Variants in FAM53B observed in about 807,000 individuals in gnomAD.
FAM53B encodes protein FAM53B.
A neutral mutation model predicts 32.7 loss-of-function variants in FAM53B; 12 were observed. That is an observed-to-expected ratio of 0.37 (90% CI 0.24 to 0.59). The LOEUF (loss-of-function observed/expected upper bound fraction) is 0.59. Among genes scored for constraint, FAM53B ranks in the 20% least tolerant of loss-of-function variants. The pLI, the probability that FAM53B is intolerant of heterozygous loss-of-function variation, is 0.72. For missense variants in FAM53B, 477 were observed against 577.7 expected, an observed-to-expected ratio of 0.83 and a Z score of 1.79; for synonymous variants, 234 against 228.7, an observed-to-expected ratio of 1.02 and a Z score of -0.21.
intron 4 of FAM53B, among the ~76,000 whole-genome samples, chr10:124,674,877 A>G (rs1026332692): frequency 1.3e-5 from 2 of 152,172 alleles, no homozygotes; most frequent in African/African-American, 4.8e-5. Flanking sequence ...GCAAGCCAAG[A>G]GCACTCCCAG....
chr10:124,727,574 G>C (rs1178211136), intron 1 of FAM53B, among the ~76,000 whole-genome samples: 3 of 151,990 alleles, frequency 2.0e-5, no homozygotes, highest in Admixed American at 1.3e-4. Context: ...AAACATCCTG[G>C]GCATTTCTAC....
At position 124,733,465 on chromosome 10, in the gene FAM53B, G is replaced by A. The variant is rs1409386763; in HGVS notation, c.-175+10548C>T. 1.3e-5 allele frequency among the ~76,000 whole-genome samples: 2 copies of A among 152,206 alleles called. No homozygotes were observed. Among genetic ancestry groups the A allele is most frequent in the South Asian group, 2.1e-4 (1 of 4,836 alleles). On this transcript the variant is annotated intron_variant, in intron 1 of 4. Coordinates refer to ENST00000337318, the MANE Select transcript of FAM53B (RefSeq NM_014661.4). This position sits in a 1 kb window ranked among gnomAD's most constrained non-coding sequence, Gnocchi z 4.3. ...AACAGGCTATGACAGAGCCCAGGGG[G>A]CACCGAAGCTCCCTCTTCCATCGCA... is the stretch of plus-strand genomic sequence containing the variant.
At chr10:124,679,847 T>A (rs1359000991) in intron 4 of FAM53B, among the ~76,000 whole-genome samples, 2 of 152,228 alleles carry the variant, frequency 1.3e-5, no homozygotes, top group Non-Finnish European at 2.9e-5. Context: ...CCAAACGAGG[T>A]CAAGAAATGT....
rs1949318026 is a variant in FAM53B, at chr10:124,622,528, ACCAAATTTCTAC to A, written c.*702_*713del. On this transcript the variant is annotated 3_prime_UTR_variant, in exon 5 of 5. Transcript: ENST00000337318. ...GTCCGTCTTTTCAGCCAACAGATCCACCAAATTTCTACCCAACACGGGAGGCCCTAACAAGCA... is the reference window on the plus strand; with the variant it reads ...GTCCGTCTTTTCAGCCAACAGATCCACCAACACGGGAGGCCCTAACAAGCA... The A allele has an allele frequency of 6.6e-6, 1 of 152,308 alleles. No homozygotes were observed. Among genetic ancestry groups the A allele is most frequent in the East Asian group, 1.9e-4 (1 of 5,160 alleles). The allele number at this position is 152,308 out of a possible 1,614,324, so 9.4% of individuals were successfully genotyped here. A position where few individuals can be genotyped will look rare whatever the true frequency, so the allele number is the denominator to read the frequency against.
chr10:124,710,380 T>A (rs1949992862), intron 1 of FAM53B, among the ~76,000 whole-genome samples: 1 of 152,158 alleles, frequency 6.6e-6, no homozygotes, highest in African/African-American at 2.4e-5. Flanking sequence ...TACAGCAACA[T>A]GTGAAATGAT....
intron 4 of FAM53B, among the ~76,000 whole-genome samples, chr10:124,650,799 C>A (rs889519428): frequency 3.3e-5 from 5 of 152,182 alleles, no homozygotes; most frequent in African/African-American, 1.2e-4. Flanking sequence ...GGCCAATATT[C>A]CTTTGCCATC....
chr10:124,638,157 CAGG>C (rs1949446314), intron 4 of FAM53B, among the ~76,000 whole-genome samples: 1 of 152,180 alleles, frequency 6.6e-6, no homozygotes, highest in Non-Finnish European at 1.5e-5. Flanking sequence ...ATCACGAGGT[CAGG>C]AGATTGAGAC....
Position 124,667,332 on chromosome 10 carries a change from C to T in FAM53B, c.906+14275G>A, listed in dbSNP as rs931511150. On this transcript the variant is annotated intron_variant, in intron 4 of 4. Transcript: ENST00000337318. ...TAGGAATTTTAAATTATATATGTGGCTTGAGTTCTGGTTTCACTGGACTGC... is the reference window on the plus strand; with the variant it reads ...TAGGAATTTTAAATTATATATGTGGTTTGAGTTCTGGTTTCACTGGACTGC... 3.5e-5 allele frequency: 25 copies of T among 711,868 alleles called. No individual in the cohort carries two copies. In the African/African-American group the frequency reaches 4.4e-4, roughly 13 times the overall value. 44.1% of individuals were successfully genotyped at this position (711,868 alleles called of 1,614,324 possible).
At position 124,620,697 on chromosome 10, in the gene FAM53B, T is replaced by C. The variant is rs2134031098; in HGVS notation, c.*2545A>G. 6.6e-6 allele frequency: 1 copy of C among 152,534 alleles called. No homozygotes were observed. The highest frequency in any genetic ancestry group is 1.9e-4 in the East Asian group (1 of 5,194). The allele number at this position is 152,534 out of a possible 1,614,324, so 9.4% of individuals were successfully genotyped here. Reference sequence around the variant, plus strand: ...AGGCTGCTCCGGGCAGTGTGGCAGCTTGGATGATGGGGTGGCACCTTATAG... The same window carrying C: ...AGGCTGCTCCGGGCAGTGTGGCAGCCTGGATGATGGGGTGGCACCTTATAG... On this transcript the variant is annotated 3_prime_UTR_variant, in exon 5 of 5. Transcript: ENST00000337318.
chr10:124,620,359 C>CA lies in FAM53B; in HGVS notation c.*2882_*2883insT, dbSNP rs1554900989. The CA allele has an allele frequency of 4.9e-5, 7 of 143,140 alleles. No homozygotes were observed. The highest frequency in any genetic ancestry group is 1.5e-4 in the African/African-American group (6 of 38,784). 8.9% of individuals were successfully genotyped at this position (143,140 alleles called of 1,614,324 possible). A position where few individuals can be genotyped will look rare whatever the true frequency, so the allele number is the denominator to read the frequency against. ...GTGGGGTGCATGTGGCACTAAGCCC[C>CA]CCCCACCGCCCCGGCTTTCCTGCAG... On this transcript the variant is annotated 3_prime_UTR_variant, in exon 5 of 5. Coordinates refer to ENST00000337318, the MANE Select transcript of FAM53B (RefSeq NM_014661.4).
At chr10:124,686,321 T>C (rs370115123) in intron 3 of FAM53B, among the ~76,000 whole-genome samples, 196 of 152,192 alleles carry the variant, frequency 1.3e-3, no homozygotes, top group Non-Finnish European at 2.3e-3. Flanking sequence ...ACCTACTCCT[T>C]CTGTGTTACA....
chr10:124,741,169 T>C (rs573669986), intron 1 of FAM53B, among the ~76,000 whole-genome samples: 2 of 152,352 alleles, frequency 1.3e-5, no homozygotes, highest in Middle Eastern at 3.4e-3. Flanking sequence ...ATTATCAGCA[T>C]ATTACATAAC....
At chr10:124,634,525 T>C (rs1949414115) in intron 4 of FAM53B, among the ~76,000 whole-genome samples, 1 of 152,244 alleles carries the variant, frequency 6.6e-6, no homozygotes, top group South Asian at 2.1e-4. Context: ...CTGATGGTTT[T>C]ATAAGGGGCT....
At position 124,621,859 on chromosome 10, in the gene FAM53B, C is replaced by A. The variant is rs527396420; in HGVS notation, c.*1383G>T. 6.6e-6 allele frequency: 1 copy of A among 152,548 alleles called. No homozygotes were observed. Among genetic ancestry groups the A allele is most frequent in the East Asian group, 1.9e-4 (1 of 5,186 alleles). The allele number at this position is 152,548 out of a possible 1,614,324, so 9.4% of individuals were successfully genotyped here. A position where few individuals can be genotyped will look rare whatever the true frequency, so the allele number is the denominator to read the frequency against. On this transcript the variant is annotated 3_prime_UTR_variant, in exon 5 of 5. Transcript: ENST00000337318. ...TTTAGCCTTATGGGAAAATGAGCCA[C>A]TTGCTCCTAAGCCAGCCCAATTGCT... is the stretch of plus-strand genomic sequence containing the variant.
intron 3 of FAM53B, among the ~76,000 whole-genome samples, chr10:124,693,135 A>G (rs1014323091): frequency 6.6e-6 from 1 of 152,196 alleles, no homozygotes; most frequent in Non-Finnish European, 1.5e-5. Flanking sequence ...AACCCTCTTG[A>G]AAAGTCTAGC....
chr10:124,717,580 G>A (rs191486805), intron 1 of FAM53B, among the ~76,000 whole-genome samples: 17 of 152,342 alleles, frequency 1.1e-4, no homozygotes, highest in Admixed American at 9.8e-4. Context: ...AAGCAGAGTC[G>A]GAGCAGGCCA....
intron 4 of FAM53B, among the ~76,000 whole-genome samples, chr10:124,647,762 A>AC (rs1949527912): frequency 6.6e-6 from 1 of 152,142 alleles, no homozygotes; most frequent in Non-Finnish European, 1.5e-5. Context: ...TTGAGGGCAG[A>AC]CCCAAGATGG....
intron 4 of FAM53B, among the ~76,000 whole-genome samples, chr10:124,680,429 G>A (rs773226649): frequency 1.3e-5 from 2 of 152,220 alleles, no homozygotes; most frequent in Non-Finnish European, 2.9e-5. Flanking sequence ...TTTCTGGGTA[G>A]ACCTCTATGT....
intron 3 of FAM53B, among the ~76,000 whole-genome samples, chr10:124,694,167 A>C (rs1949853236): frequency 6.6e-6 from 1 of 152,182 alleles, no homozygotes; most frequent in Non-Finnish European, 1.5e-5. Flanking sequence ...TGTCCCACAG[A>C]GCAGAAGGAA....
Sources: allele counts gnomAD v4.1 joint callset (sites outside exome capture counted in the v4.1 genomes callset), GRCh38; gene constraint gnomAD v4.1.1; non-coding constraint Gnocchi (gnomAD v3.1); transcripts MANE v1.5; gene names NCBI Gene and HGNC (gene_info 2026-07-23, HGNC 2026-07-21).